CDYL: variants seen among roughly 807,000 people sequenced by gnomAD.
CDYL encodes chromodomain Y-like protein.
CDYL carries 8 observed loss-of-function variants against 47.3 expected under a neutral mutation model. That is an observed-to-expected ratio of 0.17 (90% CI 0.10 to 0.31). The LOEUF is 0.31. Ranked by LOEUF, CDYL falls within the 10% of genes least tolerant of loss-of-function variation. The pLI is 1.00. For synonymous variants in CDYL, 266 were observed against 265.0 expected, an observed-to-expected ratio of 1.00 and a Z score of -0.04; for missense variants, 471 against 701.4, an observed-to-expected ratio of 0.67 and a Z score of 3.71.
At chr6:4,794,151 C>G (rs1367870238) in intron 1 of CDYL, among the ~76,000 whole-genome samples, 2 of 152,008 alleles carry the variant, frequency 1.3e-5, no homozygotes, top group Non-Finnish European at 2.9e-5. Context: ...GATGTGAAGA[C>G]TGAATCCTGG....
chr6:4,862,367 A>T (rs142916442), intron 1 of CDYL, among the ~76,000 whole-genome samples: 6 of 152,208 alleles, frequency 3.9e-5, no homozygotes, highest in African/African-American at 1.4e-4. Flanking sequence ...CCTATAAAGT[A>T]GGCTTTAAGC....
intron 2 of CDYL, among the ~76,000 whole-genome samples, chr6:4,721,199 T>C (rs1224688550): frequency 1.3e-5 from 2 of 152,200 alleles, no homozygotes; most frequent in Admixed American, 6.5e-5. Flanking sequence ...ACAGCGTTTT[T>C]TCAACTAGAA....
chr6:4,860,545 A>G (rs1412160885), intron 1 of CDYL, among the ~76,000 whole-genome samples: 1 of 147,804 alleles, frequency 6.8e-6, no homozygotes, highest in Non-Finnish European at 1.5e-5. Context: ...TATATCATGT[A>G]TATATTACAT....
chr6:4,777,229 G>C (rs1758492999), intron 1 of CDYL, among the ~76,000 whole-genome samples: 1 of 152,108 alleles, frequency 6.6e-6, no homozygotes, highest in African/African-American at 2.4e-5. Context: ...CCCTGGTCGG[G>C]GGGTGGCGGG....
At chr6:4,843,011 TTCTC>T (rs1324398596) in intron 1 of CDYL, among the ~76,000 whole-genome samples, 1 of 152,206 alleles carries the variant, frequency 6.6e-6, no homozygotes, top group African/African-American at 2.4e-5. Flanking sequence ...TATTGGCAGA[TTCTC>T]TCAGTATTTG....
chr6:4,839,642 G>T (rs1760428918), intron 1 of CDYL, among the ~76,000 whole-genome samples: 1 of 152,186 alleles, frequency 6.6e-6, no homozygotes, highest in Non-Finnish European at 1.5e-5. Flanking sequence ...CATGTGGCTT[G>T]CCAATTATCC....
At chr6:4,779,178 C>T (rs902634221) in intron 1 of CDYL, among the ~76,000 whole-genome samples, 2 of 152,246 alleles carry the variant, frequency 1.3e-5, no homozygotes, top group East Asian at 1.9e-4. Context: ...TGTAAATGAA[C>T]GCGATAGTCT....
At chr6:4,916,950 C>T (rs1757574418) in intron 2 of CDYL, among the ~76,000 whole-genome samples, 1 of 152,200 alleles carries the variant, frequency 6.6e-6, no homozygotes, top group Non-Finnish European at 1.5e-5. Flanking sequence ...GCACCCTGCC[C>T]ACCAGAGAAC....
At chr6:4,894,654 T>A (rs1303735776) in intron 2 of CDYL, among the ~76,000 whole-genome samples, 2 of 152,142 alleles carry the variant, frequency 1.3e-5, no homozygotes, top group Non-Finnish European at 2.9e-5. Context: ...TTCACCACGT[T>A]GGCCAGGCTG....
intron 1 of CDYL, among the ~76,000 whole-genome samples, chr6:4,861,164 T>C (rs1257212491): frequency 6.6e-6 from 1 of 152,228 alleles, no homozygotes; most frequent in Non-Finnish European, 1.5e-5. Flanking sequence ...TGTGATGCTA[T>C]GAGCAAAATG....
intron 3 of CDYL, among the ~76,000 whole-genome samples, chr6:4,759,259 G>A (rs148689823): frequency 0.013 from 2,028 of 152,202 alleles, 38 homozygotes; most frequent in African/African-American, 0.045. Flanking sequence ...GTGAGCCACC[G>A]CGCCCGGCCA....
intron 3 of CDYL, among the ~76,000 whole-genome samples, chr6:4,758,799 C>T (rs560994949): frequency 2.6e-5 from 4 of 152,036 alleles, no homozygotes; most frequent in African/African-American, 9.7e-5. Context: ...TATTTTTGTA[C>T]GGTTGAAACT....
chr6:4,862,365 G>A (rs1235435333), intron 1 of CDYL, among the ~76,000 whole-genome samples: 1 of 152,190 alleles, frequency 6.6e-6, no homozygotes, highest in Non-Finnish European at 1.5e-5. Flanking sequence ...AGCCTATAAA[G>A]TAGGCTTTAA....
At chr6:4,907,840 T>C (rs1757286441) in intron 2 of CDYL, among the ~76,000 whole-genome samples, 1 of 152,222 alleles carries the variant, frequency 6.6e-6, no homozygotes, top group Non-Finnish European at 1.5e-5. Context: ...TGAGTAGCTT[T>C]TGCCCTCCTC....
At chr6:4,772,205 G>C (rs760791), upstream of CDYL, among the ~76,000 whole-genome samples, 13,222 of 152,164 alleles carry the variant, frequency 0.087, 1,646 homozygotes, top group African/African-American at 0.27. Context: ...ATGTTAAGAG[G>C]TCTCAGAATT....
intron 1 of CDYL, among the ~76,000 whole-genome samples, chr6:4,794,034 A>G (rs73362530): frequency 0.026 from 3,903 of 152,184 alleles, 95 homozygotes; most frequent in East Asian, 0.085. Context: ...ACACAGGATT[A>G]TAGTTCAGGG....
intron 1 of CDYL, among the ~76,000 whole-genome samples, chr6:4,826,707 C>T (rs1759991527): frequency 6.6e-6 from 1 of 152,172 alleles, no homozygotes; most frequent in Non-Finnish European, 1.5e-5. Context: ...CACAAGATAA[C>T]TTTGTAAGAT....
intron 2 of CDYL, among the ~76,000 whole-genome samples, chr6:4,915,307 G>T (rs1757525262): frequency 6.6e-6 from 1 of 152,204 alleles, no homozygotes; most frequent in South Asian, 2.1e-4. Flanking sequence ...TCTAGCCAGT[G>T]AACACATTTT....
At chr6:4,813,326 A>G (rs892721453) in intron 1 of CDYL, among the ~76,000 whole-genome samples, 1 of 152,200 alleles carries the variant, frequency 6.6e-6, no homozygotes, top group Non-Finnish European at 1.5e-5. Flanking sequence ...AAAAATGTCT[A>G]GTTGTAGATA....
Sources: gnomAD v4.1 joint callset for allele counts (sites outside exome capture counted in the v4.1 genomes callset) on GRCh38, gnomAD v4.1.1 for gene constraint, MANE v1.5 for transcripts, NCBI Gene and HGNC (gene_info 2026-07-23, HGNC 2026-07-21) for gene names.